Variants in FOXP2 observed in about 807,000 individuals in gnomAD.
FOXP2 encodes the protein forkhead box protein P2.
FOXP2 carries 12 observed loss-of-function variants against 115.8 expected under a neutral mutation model. The observed-to-expected ratio is 0.10, with a 90% CI of 0.07 to 0.17. FOXP2 has a LOEUF of 0.17. FOXP2 is among the 10% of genes least tolerant of loss of function. The probability of loss-of-function intolerance (pLI) is 1.00; values close to 1 mark genes in which losing one functional copy is unlikely to be tolerated. For synonymous variants in FOXP2, 328 were observed against 297.7 expected, an observed-to-expected ratio of 1.10 and a Z score of -1.05; for missense variants, 629 against 843.5, an observed-to-expected ratio of 0.75 and a Z score of 3.15.
At chr7:114,316,815 C>G (rs1224730706) in intron 2 of FOXP2, among the ~76,000 whole-genome samples, 2 of 152,006 alleles carry the variant, frequency 1.3e-5, no homozygotes, top group Admixed American at 6.6e-5. Flanking sequence ...CCCAAAATCT[C>G]TTTTATAAAA....
At chr7:114,577,773 A>G (rs1801649982) in intron 3 of FOXP2, among the ~76,000 whole-genome samples, 1 of 151,986 alleles carries the variant, frequency 6.6e-6, no homozygotes, top group Admixed American at 6.6e-5. Context: ...TTTTATGAGT[A>G]ATGCTGTAAT....
intron 2 of FOXP2, among the ~76,000 whole-genome samples, chr7:114,302,054 A>G (rs1796890794): frequency 1.3e-5 from 2 of 152,218 alleles, no homozygotes; most frequent in African/African-American, 4.8e-5. Flanking sequence ...GTTGATTAGT[A>G]GAAGTCAACC....
chr7:114,150,384 T>C (rs1203407547), intron 1 of FOXP2, among the ~76,000 whole-genome samples: 2 of 152,060 alleles, frequency 1.3e-5, no homozygotes, highest in African/African-American at 4.8e-5. Context: ...GAGAAATTAC[T>C]AAAACCAGTG....
chr7:114,345,727 A>T (rs1388952920), intron 2 of FOXP2, among the ~76,000 whole-genome samples: 3 of 151,790 alleles, frequency 2.0e-5, no homozygotes, highest in African/African-American at 7.2e-5. Context: ...ACCAGCTGCA[A>T]AAACCACAAA....
chr7:114,107,743 T>C (rs1791157046), intron 1 of FOXP2, among the ~76,000 whole-genome samples: 1 of 151,976 alleles, frequency 6.6e-6, no homozygotes, highest in Non-Finnish European at 1.5e-5. Flanking sequence ...AACTATTTTA[T>C]GCAGTATTGT....
intron 2 of FOXP2, among the ~76,000 whole-genome samples, chr7:114,444,489 T>C (rs1794743090): frequency 6.6e-6 from 1 of 152,188 alleles, no homozygotes; most frequent in African/African-American, 2.4e-5. Context: ...TGCTAAGCCA[T>C]GTTAGTAATA....
chr7:114,513,797 T>C (rs554732971), intron 2 of FOXP2, among the ~76,000 whole-genome samples: 1 of 152,254 alleles, frequency 6.6e-6, no homozygotes, highest in East Asian at 1.9e-4. Flanking sequence ...TTGCATAATA[T>C]AATTTTCTAA....
intron 3 of FOXP2, among the ~76,000 whole-genome samples, chr7:114,595,160 T>A (rs1802630804): frequency 6.6e-6 from 1 of 152,086 alleles, no homozygotes; most frequent in Non-Finnish European, 1.5e-5. Flanking sequence ...TGGTCATTCC[T>A]GCCTAGTAAT....
intron 1 of FOXP2, among the ~76,000 whole-genome samples, chr7:114,190,723 CTT>C (rs1324624543): frequency 1.3e-5 from 2 of 151,980 alleles, no homozygotes; most frequent in Admixed American, 1.3e-4. Context: ...TTTTTCCTCT[CTT>C]CTTTTACCAC....
chr7:114,630,043 C>G (rs1480180386), intron 5 of FOXP2, 38 bp downstream of exon 5: 2 of 1,603,448 alleles, frequency 1.2e-6, no homozygotes, highest in African/African-American at 1.3e-5. Flanking sequence ...TAACAGTTTG[C>G]AGTTAAGAAG....
intron 3 of FOXP2, among the ~76,000 whole-genome samples, chr7:114,607,664 T>A (rs916581853): frequency 6.6e-6 from 1 of 152,134 alleles, no homozygotes; most frequent in African/African-American, 2.4e-5. Flanking sequence ...CACAGAGGCT[T>A]CAAAATATGA....
intron 2 of FOXP2, among the ~76,000 whole-genome samples, chr7:114,517,326 G>A (rs1324281482): frequency 6.6e-6 from 1 of 151,688 alleles, no homozygotes; most frequent in Non-Finnish European, 1.5e-5. Context: ...TCCTTTACTG[G>A]GCAGAAGCTT....
chr7:114,605,420 T>C (rs1803266541), intron 3 of FOXP2, among the ~76,000 whole-genome samples: 1 of 152,188 alleles, frequency 6.6e-6, no homozygotes, highest in Admixed American at 6.5e-5. Flanking sequence ...TGCAAAAGCA[T>C]TTTGCCAGAT....
intron 1 of FOXP2, among the ~76,000 whole-genome samples, chr7:114,223,265 G>T (rs1194606590): frequency 6.6e-6 from 1 of 151,848 alleles, no homozygotes; most frequent in Non-Finnish European, 1.5e-5. Context: ...ATAAACATTT[G>T]TCATACTGCT....
intron 2 of FOXP2, among the ~76,000 whole-genome samples, chr7:114,387,806 T>C (rs1379832010): frequency 6.6e-6 from 1 of 152,130 alleles, no homozygotes; most frequent in African/African-American, 2.4e-5. Context: ...ATTAATTAAT[T>C]TAAAATCCAT....
chr7:114,237,636 C>A (rs922070445), intron 1 of FOXP2, among the ~76,000 whole-genome samples: 1 of 151,754 alleles, frequency 6.6e-6, no homozygotes, highest in Non-Finnish European at 1.5e-5. Flanking sequence ...TTGCTTCATT[C>A]TTTCCTTGCT....
chr7:114,145,514 G>GCTTTTC (rs1792347941), intron 1 of FOXP2, among the ~76,000 whole-genome samples: 4 of 68,148 alleles, frequency 5.9e-5, no homozygotes, highest in African/African-American at 1.0e-4. Context: ...TTGAGATGGA[G>GCTTTTC]TTTTGCTTTT....
intron 11 of FOXP2, among the ~76,000 whole-genome samples, chr7:114,658,619 T>C (rs1159166503): frequency 6.6e-6 from 1 of 152,176 alleles, no homozygotes; most frequent in Non-Finnish European, 1.5e-5. Flanking sequence ...TTAAAGGACA[T>C]ATACGAAACA....
intron 2 of FOXP2, among the ~76,000 whole-genome samples, chr7:114,309,288 T>C (rs1000328050): frequency 1.3e-5 from 2 of 152,140 alleles, no homozygotes; most frequent in African/African-American, 4.8e-5. Context: ...AGGAAACTGG[T>C]TTCTTGTTAT....
Sources: gnomAD v4.1 joint callset for allele counts (sites outside exome capture counted in the v4.1 genomes callset) on GRCh38, gnomAD v4.1.1 for gene constraint, MANE v1.5 for transcripts, NCBI Gene and HGNC (gene_info 2026-07-23, HGNC 2026-07-21) for gene names.